CALN1: variants seen among roughly 807,000 people sequenced by gnomAD.
CALN1 encodes the protein calcium-binding protein 8.
Under a neutral mutation model 30.6 loss-of-function variants are expected in CALN1, and 17 were observed. That is an observed-to-expected ratio of 0.56 (90% CI 0.38 to 0.83). CALN1 has a LOEUF of 0.83. Among genes scored for constraint, CALN1 ranks in the 40% least tolerant of loss-of-function variants. The pLI is 0.00. For missense variants in CALN1, 291 were observed against 354.9 expected, an observed-to-expected ratio of 0.82 and a Z score of 1.45; for synonymous variants, 156 against 131.4, an observed-to-expected ratio of 1.19 and a Z score of -1.28.
intron 5 of CALN1, among the ~76,000 whole-genome samples, chr7:71,867,320 A>G (rs192852491): frequency 6.6e-6 from 1 of 152,176 alleles, no homozygotes; most frequent in Non-Finnish European, 1.5e-5. Flanking sequence ...AAATACATCA[A>G]AATGTCCTTA....
At chr7:72,018,509 C>T (rs1325252116) in intron 5 of CALN1, among the ~76,000 whole-genome samples, 2 of 152,192 alleles carry the variant, frequency 1.3e-5, no homozygotes, top group East Asian at 3.9e-4. Flanking sequence ...AACACAATCA[C>T]AGCTTTACAA....
chr7:72,065,821 A>G (rs1290097028), intron 4 of CALN1, among the ~76,000 whole-genome samples: 2 of 152,158 alleles, frequency 1.3e-5, no homozygotes, highest in Admixed American at 6.5e-5. Context: ...TGAACCTGGG[A>G]GGCAGAGGTT....
intron 5 of CALN1, among the ~76,000 whole-genome samples, chr7:71,921,038 C>T (rs947357157): frequency 5.9e-5 from 9 of 152,106 alleles, no homozygotes; most frequent in African/African-American, 1.9e-4. Context: ...AAAAAGGATG[C>T]GTTCATGTCC....
At chr7:72,221,297 C>T (rs1793270550) in intron 3 of CALN1, among the ~76,000 whole-genome samples, 2 of 146,912 alleles carry the variant, frequency 1.4e-5, no homozygotes, top group South Asian at 2.2e-4. Flanking sequence ...TTTTCACTTA[C>T]ACAAGTCTTG....
intron 4 of CALN1, among the ~76,000 whole-genome samples, chr7:72,078,249 G>A (rs938109415): frequency 1.3e-5 from 2 of 152,046 alleles, no homozygotes; most frequent in Admixed American, 6.6e-5. Context: ...TCATAGAGTG[G>A]TTTACTCTGC....
intron 5 of CALN1, among the ~76,000 whole-genome samples, chr7:71,819,420 T>C (rs1000463782): frequency 2.6e-5 from 4 of 152,062 alleles, no homozygotes; most frequent in Admixed American, 1.3e-4. Context: ...GCCAGGCTGG[T>C]CTCGAACTCC....
intron 4 of CALN1, among the ~76,000 whole-genome samples, chr7:72,048,201 G>A (rs1262826023): frequency 1.3e-5 from 2 of 151,804 alleles, no homozygotes; most frequent in Admixed American, 6.6e-5. Context: ...CATCGCACCC[G>A]GCTAATTTTT....
chr7:72,402,410 T>C (rs533184240), intron 2 of CALN1, among the ~76,000 whole-genome samples: 3 of 152,162 alleles, frequency 2.0e-5, no homozygotes, highest in Admixed American at 2.0e-4. Flanking sequence ...CCCCACCATA[T>C]ACACTTACAG....
At chr7:71,885,399 A>T (rs1792840872) in intron 5 of CALN1, among the ~76,000 whole-genome samples, 1 of 152,066 alleles carries the variant, frequency 6.6e-6, no homozygotes, top group South Asian at 2.1e-4. Context: ...TGATCCGCCC[A>T]CCTCGGCCTC....
the CALN1 span, among the ~76,000 whole-genome samples, chr7:72,497,647 G>A: frequency 4.6e-5 from 7 of 152,092 alleles, no homozygotes; most frequent in Non-Finnish European, 4.4e-5. Flanking sequence ...CTAAACTTCT[G>A]GGTGATCTGC....
chr7:72,341,476 T>C (rs923889665), intron 2 of CALN1, among the ~76,000 whole-genome samples: 2 of 152,212 alleles, frequency 1.3e-5, no homozygotes, highest in African/African-American at 4.8e-5. Flanking sequence ...TGAGCCGAGA[T>C]TGTGCTACTG....
intron 2 of CALN1, among the ~76,000 whole-genome samples, chr7:72,292,246 A>T (rs982516721): frequency 5.3e-5 from 8 of 151,990 alleles, no homozygotes; most frequent in African/African-American, 1.9e-4. Flanking sequence ...GGCCAAAATC[A>T]GGGTGCCAGC....
intron 1 of CALN1, among the ~76,000 whole-genome samples, chr7:72,420,807 G>T (rs1807583064): frequency 6.6e-6 from 1 of 151,848 alleles, no homozygotes; most frequent in African/African-American, 2.4e-5. Flanking sequence ...TTTTAGTAGA[G>T]ACAGGGTTTC....
At chr7:71,944,906 G>C (rs1796329664) in intron 5 of CALN1, among the ~76,000 whole-genome samples, 1 of 152,152 alleles carries the variant, frequency 6.6e-6, no homozygotes, top group African/African-American at 2.4e-5. Context: ...TCTTTCCCTA[G>C]AGGTGACTAC....
At position 71,788,365 on chromosome 7, in the gene CALN1, C is replaced by T. The variant is rs375893204; in HGVS notation, c.659-463G>A. Among the ~76,000 whole-genome samples, 14 of 152,076 alleles carry T rather than the reference C, an allele frequency of 9.2e-5. No individual in the cohort carries two copies. The East Asian group carries it at 1.7e-3, about 19-fold the overall frequency. On this transcript the variant is annotated intron_variant, in intron 6 of 6. Coordinates refer to ENST00000395275, the MANE Select transcript of CALN1 (RefSeq NM_031468.4). Reference sequence around the variant, plus strand: ...CTGGGTGCAACTTACCTTTCCTGGACGTTTTCTTGGGTTTTGCTAATCACC... The same window carrying T: ...CTGGGTGCAACTTACCTTTCCTGGATGTTTTCTTGGGTTTTGCTAATCACC...
At chr7:72,472,869 G>A in the CALN1 span, among the ~76,000 whole-genome samples, 5 of 152,164 alleles carry the variant, frequency 3.3e-5, no homozygotes, top group East Asian at 3.8e-4. Flanking sequence ...ACTTTATCCC[G>A]TGGACATTGG....
intron 5 of CALN1, among the ~76,000 whole-genome samples, chr7:71,995,601 G>C (rs1454115790): frequency 1.3e-5 from 2 of 152,094 alleles, no homozygotes; most frequent in Non-Finnish European, 2.9e-5. Context: ...CTGAGGTCAG[G>C]AGTTTGAGAG....
At chr7:72,386,757 T>A (rs1202030539) in intron 2 of CALN1, among the ~76,000 whole-genome samples, 1 of 152,084 alleles carries the variant, frequency 6.6e-6, no homozygotes. Flanking sequence ...TACCTCAGCA[T>A]TCTGAGTAGC....
At chr7:71,861,627 A>G (rs142071542) in intron 5 of CALN1, among the ~76,000 whole-genome samples, 63 of 152,030 alleles carry the variant, frequency 4.1e-4, no homozygotes, top group African/African-American at 1.4e-3. Flanking sequence ...AAAAAATTAC[A>G]AAAATTAGCC....
Sources: gnomAD v4.1 joint callset for allele counts (sites outside exome capture counted in the v4.1 genomes callset) on GRCh38, gnomAD v4.1.1 for gene constraint, MANE v1.5 for transcripts, NCBI Gene and HGNC (gene_info 2026-07-23, HGNC 2026-07-21) for gene names.